The following FRS2 variants were observed in gnomAD, a reference collection of about 807,000 sequenced individuals.
The protein encoded by FRS2 is fibroblast growth factor receptor substrate 2.
A neutral mutation model predicts 43.9 loss-of-function variants in FRS2; 8 were observed. That is an observed-to-expected ratio of 0.18 (90% CI 0.11 to 0.33). The LOEUF (loss-of-function observed/expected upper bound fraction) is 0.33, where lower values mean the gene tolerates loss of function less well. Ranked by LOEUF, FRS2 falls within the 10% of genes least tolerant of loss-of-function variation. The probability of loss-of-function intolerance (pLI) is 1.00; values close to 1 mark genes in which losing one functional copy is unlikely to be tolerated. For missense variants in FRS2, 534 were observed against 627.6 expected (o/e 0.85, Z 1.59); for synonymous variants, 219 against 220.3 (o/e 0.99, Z 0.05).
intron 1 of FRS2, among the ~76,000 whole-genome samples, chr12:69,481,649 CAT>C (rs1329092763): frequency 9.2e-5 from 14 of 152,182 alleles, no homozygotes; most frequent in Admixed American, 8.5e-4. Context: ...AATTTGATCA[CAT>C]ATTTTATTTT....
intron 3 of FRS2, among the ~76,000 whole-genome samples, chr12:69,543,111 G>T (rs1878064854): frequency 6.6e-6 from 1 of 152,180 alleles, no homozygotes; most frequent in Non-Finnish European, 1.5e-5. Context: ...GCTTCTAAAA[G>T]AAATTTTGTG....
At chr12:69,572,027 C>T in intron 7 of FRS2, 91 bp from the exon 8 acceptor site, 3 of 884,158 alleles carry the variant, frequency 3.4e-6, no homozygotes, top group South Asian at 1.8e-5. Flanking sequence ...AGAAAGACCT[C>T]CTATAATCCT....
At chr12:69,566,749 T>C (rs1593066003) in intron 4 of FRS2, among the ~76,000 whole-genome samples, 1 of 151,870 alleles carries the variant, frequency 6.6e-6, no homozygotes, top group African/African-American at 2.4e-5. Context: ...TGCAGTAGAG[T>C]ACGATAAAGG....
At chr12:69,508,487 T>G (rs1874165482) in intron 1 of FRS2, among the ~76,000 whole-genome samples, 1 of 152,184 alleles carries the variant, frequency 6.6e-6, no homozygotes, top group South Asian at 2.1e-4. Flanking sequence ...TCCTAAGAAT[T>G]AACAGAAATT....
chr12:69,571,144 A>G (rs1880716773), intron 6 of FRS2, 132 bp from the exon 7 acceptor site: 1 of 570,188 alleles, frequency 1.8e-6, no homozygotes, highest in Non-Finnish European at 3.0e-6. Context: ...AATTTATCAG[A>G]TATTTATTTA....
At chr12:69,514,953 G>A (rs1874843708) in intron 1 of FRS2, among the ~76,000 whole-genome samples, 1 of 152,156 alleles carries the variant, frequency 6.6e-6, no homozygotes, top group Admixed American at 6.6e-5. Context: ...GATGTTCACT[G>A]CACCTGATGT....
rs1259139081 is a variant in FRS2, at chr12:69,574,140, A to G, written c.712A>G (p.Arg238Gly). Residue 238 changes from arginine to glycine, a missense_variant, in exon 9 of 9, where the codon AGG (arginine) becomes GGG (glycine). By Grantham distance (125) the Arg-to-Gly change is moderately radical. Coordinates refer to ENST00000549921, the MANE Select transcript of FRS2 (RefSeq NM_001278356.2). ...PKEEPSSIED[R>G]DPQILLEPEG... ...AGAAGAACCAAGTAGTATTGAGGAC[A>G]GGGATCCTCAGATTCTTCTTGAACC... The G allele has an allele frequency of 6.2e-7, 1 of 1,613,354 alleles. No individual in the cohort carries two copies. Among genetic ancestry groups the G allele is most frequent in the Non-Finnish European group, 8.5e-7 (1 of 1,179,304 alleles).
At chr12:69,506,227 G>A (rs1873915962) in intron 1 of FRS2, among the ~76,000 whole-genome samples, 2 of 152,094 alleles carry the variant, frequency 1.3e-5, no homozygotes, top group Admixed American at 1.3e-4. Flanking sequence ...TTGTCTTAAT[G>A]TTAATAAGAG....
intron 3 of FRS2, among the ~76,000 whole-genome samples, chr12:69,545,576 T>G (rs1878302493): frequency 6.6e-6 from 1 of 151,828 alleles, no homozygotes; most frequent in Non-Finnish European, 1.5e-5. Flanking sequence ...GCCAACATGT[T>G]GAAACCCTGT....
chr12:69,545,790 A>AAAAC (rs1878349346), intron 3 of FRS2, among the ~76,000 whole-genome samples: 1 of 151,100 alleles, frequency 6.6e-6, no homozygotes, highest in African/African-American at 2.4e-5. Flanking sequence ...AAAAACAAAA[A>AAAAC]CCCAGAAATA....
intron 3 of FRS2, among the ~76,000 whole-genome samples, chr12:69,532,622 C>T (rs563337487): frequency 4.3e-4 from 66 of 152,160 alleles, no homozygotes; most frequent in Non-Finnish European, 7.6e-4. Context: ...CTAAAGGTCC[C>T]GTCTCTTAAT....
chr12:69,497,783 A>G (rs1873042950), intron 1 of FRS2, among the ~76,000 whole-genome samples: 1 of 152,218 alleles, frequency 6.6e-6, no homozygotes, highest in Admixed American at 6.5e-5. Flanking sequence ...TACTGTATTC[A>G]AGGAACTGCA....
At chr12:69,549,745 T>C (rs1039918815) in intron 3 of FRS2, among the ~76,000 whole-genome samples, 3 of 152,230 alleles carry the variant, frequency 2.0e-5, no homozygotes, top group Admixed American at 2.0e-4. Context: ...TCCATATTGC[T>C]AAATATTTTC....
At chr12:69,518,479 G>A (rs575108964) in intron 1 of FRS2, among the ~76,000 whole-genome samples, 8 of 148,372 alleles carry the variant, frequency 5.4e-5, no homozygotes, top group Non-Finnish European at 7.5e-5. Flanking sequence ...AGGCCGAGGT[G>A]GCAGATTGCT....
chr12:69,508,661 C>T (rs1225743963), intron 1 of FRS2, among the ~76,000 whole-genome samples: 1 of 152,162 alleles, frequency 6.6e-6, no homozygotes, highest in Admixed American at 6.5e-5. Flanking sequence ...CTTATGAAAA[C>T]AGTTCCCCAT....
intron 3 of FRS2, among the ~76,000 whole-genome samples, chr12:69,550,665 C>G (rs1353185129): frequency 6.6e-6 from 1 of 152,178 alleles, no homozygotes; most frequent in Non-Finnish European, 1.5e-5. Flanking sequence ...ATTTAGATAG[C>G]AGAGATATTG....
intron 1 of FRS2, among the ~76,000 whole-genome samples, chr12:69,509,106 G>A (rs1874224563): frequency 1.3e-5 from 2 of 152,050 alleles, no homozygotes; most frequent in African/African-American, 4.8e-5. Context: ...TAAGTAATCT[G>A]TCATCTCCAT....
intron 3 of FRS2, among the ~76,000 whole-genome samples, chr12:69,560,453 A>G (rs748317534): frequency 2.0e-5 from 3 of 152,226 alleles, no homozygotes; most frequent in Admixed American, 6.5e-5. Flanking sequence ...AGTGCTTACT[A>G]TATGTTAAAC....
chr12:69,485,358 A>AT, intron 1 of FRS2, among the ~76,000 whole-genome samples: 1 of 151,660 alleles, frequency 6.6e-6, no homozygotes, highest in Admixed American at 6.6e-5. Context: ...AATTTTTTGT[A>AT]TTTTTGGTAG....
Sources: allele counts gnomAD v4.1 joint callset (sites outside exome capture counted in the v4.1 genomes callset), GRCh38; gene constraint gnomAD v4.1.1; transcripts MANE v1.5; gene names NCBI Gene and HGNC (gene_info 2026-07-23, HGNC 2026-07-21).